HUWE1: variants seen among roughly 807,000 people sequenced by gnomAD.
HUWE1 encodes HECT, UBA and WWE domain containing E3 ubiquitin protein ligase 1, also known as E3 ubiquitin-protein ligase HUWE1.
HUWE1 carries 18 observed loss-of-function variants against 299.4 expected under a neutral mutation model. The ratio of observed to expected loss-of-function variants is 0.06; its 90% CI spans 0.04 to 0.09. The LOEUF is 0.09. Among genes scored for constraint, HUWE1 ranks in the 10% least tolerant of loss-of-function variants. The pLI is 1.00. For synonymous variants in HUWE1, 1,317 were observed against 1,286.1 expected, an observed-to-expected ratio of 1.02 and a Z score of -0.51; for missense variants, 1,832 against 3,462.3, an observed-to-expected ratio of 0.53 and a Z score of 11.82.
At chrX:53,588,610 T>TA in intron 36 of HUWE1, 76 bp from the exon 37 acceptor site, 2 of 971,339 alleles carry the variant, frequency 2.1e-6, no homozygotes, top group Non-Finnish European at 1.4e-6. Context: ...CTCAACCTTT[T>TA]AAAATACTCC....
chrX:53,536,529 G>A lies in HUWE1; in HGVS notation c.12276C>T (p.Thr4092=). The change falls in exon 79 of 84, where the codon ACC becomes ACT. Residue 4092 remains threonine (T), a synonymous_variant. Transcript: ENST00000262854. ...RTSPGDRVTY[T]INPSSHCNPN... The stretch of plus-strand genomic sequence containing the variant: ...GGTTGCAGTGGGAAGATGGATTGAT[G>A]GTGTAGGTGACTCGATCACCAGGTG... 1 of 1,211,511 alleles carries A rather than the reference G, an allele frequency of 8.3e-7. No individual in the cohort carries two copies. Among genetic ancestry groups the A allele is most frequent in the Middle Eastern group, 2.3e-4 (1 of 4,351 alleles).
Position 53,627,728 on chromosome X carries a change from TATA to T in HUWE1, c.1383+8_1383+10del, listed in dbSNP as rs782154103. The stretch of plus-strand genomic sequence containing the variant: ...TAAATTCTGTGCAAAGCATTCCTTG[TATA>T]ATAATACCTCAAGTCTATAAATGAA... On this transcript the variant is annotated splice_region_variant and intron_variant, in intron 16 of 83. Coordinates refer to ENST00000262854, the MANE Select transcript of HUWE1 (RefSeq NM_031407.7). The T allele has an allele frequency of 4.1e-5, 48 of 1,184,203 alleles. No homozygotes were observed. The highest frequency in any genetic ancestry group is 4.9e-5 in the Non-Finnish European group (43 of 872,459).
intron 43 of HUWE1, among the ~76,000 whole-genome samples, chrX:53,579,701 A>T (rs1294235115): frequency 1.0e-5 from 1 of 98,011 alleles, no homozygotes; most frequent in Non-Finnish European, 2.1e-5. Context: ...GGTTAAATGG[A>T]TTAAGGGCGG....
chrX:53,651,470 T>C (rs1487673232), intron 4 of HUWE1, among the ~76,000 whole-genome samples: 7 of 112,127 alleles, frequency 6.2e-5, no homozygotes, highest in Middle Eastern at 4.2e-3. Context: ...AAAATGGCAA[T>C]GGTATTTGTA....
In HUWE1 at chrX:53,577,045, A is replaced by G; in HGVS notation, c.5739T>C (p.Asn1913=). 1 of 1,208,876 alleles carries G rather than the reference A, an allele frequency of 8.3e-7. No homozygotes were observed. Among genetic ancestry groups the G allele is most frequent in the East Asian group, 3.0e-5 (1 of 33,827 alleles). Residue 1913 remains asparagine, a synonymous_variant, in exon 44 of 84, where the codon AAT becomes AAC. Transcript: ENST00000262854. ...CAGCATTAGGGCCTTTAATTCTAAG[A>G]TTCTCAAATTCATCATCTGAAGCTA... ...SGTASDDEFE[N]LRIKGPNAVQ...
chrX:53,607,784 C>A, intron 24 of HUWE1, 85 bp from the exon 25 acceptor site: 1 of 603,630 alleles, frequency 1.7e-6, no homozygotes, highest in East Asian at 3.5e-5. Flanking sequence ...GGGTAGCCTT[C>A]TAGTCATGAT....
intron 67 of HUWE1, among the ~76,000 whole-genome samples, 197 bp downstream of exon 67, chrX:53,548,758 CTAAA>C (rs1314058300): frequency 1.5e-4 from 17 of 112,202 alleles, no homozygotes; most frequent in Non-Finnish European, 3.2e-4. Context: ...GTTTTGATGA[CTAAA>C]TAAGACATAC....
chrX:53,566,463 AAATT>A (rs1307424991), intron 49 of HUWE1, among the ~76,000 whole-genome samples: 11 of 109,332 alleles, frequency 1.0e-4, no homozygotes, highest in African/African-American at 3.7e-4. Flanking sequence ...TGGGGAAAAA[AAATT>A]AATGGGATCA....
intron 23 of HUWE1, among the ~76,000 whole-genome samples, chrX:53,613,017 T>A (rs1157699405): frequency 3.6e-5 from 4 of 111,026 alleles, no homozygotes; most frequent in Non-Finnish European, 7.6e-5. Context: ...TTTTTCCTTA[T>A]TTGTAGCCAG....
intron 23 of HUWE1, 130 bp downstream of exon 23, chrX:53,614,404 C>T (rs2065680199): frequency 7.3e-6 from 4 of 551,566 alleles, no homozygotes; most frequent in South Asian, 5.0e-5. Context: ...TTCTTAGAAC[C>T]GGTTAGAACT....
rs782044241 is a variant in HUWE1, at chrX:53,543,983, A to G, written c.11252-15T>C. 1.7e-6 allele frequency: 2 copies of G among 1,175,314 alleles called. No individual in the cohort carries two copies. Among genetic ancestry groups the G allele is most frequent in the Admixed American group, 4.5e-5 (2 of 44,169 alleles). On this transcript the variant is annotated splice_polypyrimidine_tract_variant and intron_variant, in intron 72 of 83. Coordinates refer to ENST00000262854, the MANE Select transcript of HUWE1 (RefSeq NM_031407.7). ...ACCGGAGGAACCTGGGAGAAAGAGA[A>G]AGAGGAAGGCAAGATATAAAATATA...
Position 53,562,658 on chromosome X carries a change from C to T in HUWE1, c.7204+173G>A, listed in dbSNP as rs142893454. On this transcript the variant is annotated intron_variant, in intron 53 of 83. Coordinates refer to ENST00000262854, the MANE Select transcript of HUWE1 (RefSeq NM_031407.7). ...ACAAACTTTGGGCAAGCAGTAGTAA[C>T]ATGTTATTTGAAAAACTGGCTGAGG... Among the ~76,000 whole-genome samples, 530 of 112,236 alleles carry T rather than the reference C, an allele frequency of 4.7e-3. 3 individuals carry two copies. The highest frequency in any genetic ancestry group is 0.016 in the African/African-American group (509 of 30,918).
chrX:53,589,830 A>G lies in HUWE1; in HGVS notation c.4192-14T>C. 1 of 1,197,765 alleles carries G rather than the reference A, an allele frequency of 8.3e-7. No individual in the cohort carries two copies. Among genetic ancestry groups the G allele is most frequent in the South Asian group, 1.8e-5 (1 of 55,305 alleles). On this transcript the variant is annotated splice_polypyrimidine_tract_variant and intron_variant, in intron 35 of 83. Transcript: ENST00000262854. ...GCAAGCAACTTCCTGGAAGCAGGGA[A>G]GGAAGTGTGAATAATACACAGGAGA...
intron 23 of HUWE1, among the ~76,000 whole-genome samples, chrX:53,613,005 A>G (rs2065581482): frequency 9.0e-6 from 1 of 110,588 alleles, no homozygotes; most frequent in Non-Finnish European, 1.9e-5. Flanking sequence ...TACACCTTAA[A>G]ATTTTTCCTT....
chrX:53,611,415 T>C (rs2065462191), intron 23 of HUWE1, among the ~76,000 whole-genome samples: 1 of 111,317 alleles, frequency 9.0e-6, no homozygotes, highest in African/African-American at 3.3e-5. Context: ...ACGTCAGATA[T>C]AATATACACA....
chrX:53,601,694 G>A (rs1262498004), intron 28 of HUWE1, among the ~76,000 whole-genome samples: 2 of 98,830 alleles, frequency 2.0e-5, no homozygotes, highest in Admixed American at 1.1e-4. Flanking sequence ...CTGAGGCGGT[G>A]TTTCGCTCTT....
intron 55 of HUWE1, among the ~76,000 whole-genome samples, chrX:53,560,807 A>C (rs2062249710): frequency 8.9e-6 from 1 of 111,763 alleles, no homozygotes; most frequent in South Asian, 3.8e-4. Context: ...TGGGTTAGGT[A>C]ACTCTTTACC....
At chrX:53,568,595 T>G (rs2062679650) in intron 49 of HUWE1, 97 bp downstream of exon 49, 1 of 823,821 alleles carries the variant, frequency 1.2e-6, no homozygotes, top group African/African-American at 2.1e-5. Context: ...GTCTCCCACT[T>G]GTACCCAAAG....
intron 8 of HUWE1, among the ~76,000 whole-genome samples, chrX:53,633,412 T>C (rs1557024237): frequency 3.6e-5 from 4 of 112,638 alleles, no homozygotes; most frequent in Non-Finnish European, 5.6e-5. Flanking sequence ...TTATGTAGTT[T>C]TGATTATTAA....
Sources: allele counts gnomAD v4.1 joint callset (sites outside exome capture counted in the v4.1 genomes callset), GRCh38; gene constraint gnomAD v4.1.1; transcripts MANE v1.5; gene names NCBI Gene and HGNC (gene_info 2026-07-23, HGNC 2026-07-21).